EYS: variants seen among roughly 807,000 people sequenced by gnomAD.
The protein encoded by EYS is EGF-like photoreceptor maintenance factor.
A neutral mutation model predicts 282.1 loss-of-function variants in EYS; 250 were observed. The observed-to-expected ratio is 0.89, with a 90% CI of 0.80 to 0.98. EYS has a LOEUF of 0.98. Ranked by LOEUF, EYS falls within the 50% of genes least tolerant of loss-of-function variation. EYS has a pLI of 0.00. For missense variants in EYS, 4,016 were observed against 3,709.0 expected (o/e 1.08, Z -2.15); for synonymous variants, 1,355 against 1,282.9 (o/e 1.06, Z -1.20).
intron 2 of EYS, among the ~76,000 whole-genome samples, chr6:65,577,869 C>T (rs546436087): frequency 6.6e-6 from 1 of 151,522 alleles, no homozygotes; most frequent in South Asian, 2.1e-4. Flanking sequence ...AAATGTAAAT[C>T]AATCCACAAT....
intron 15 of EYS, among the ~76,000 whole-genome samples, chr6:64,939,793 G>C (rs1158782534): frequency 6.6e-6 from 1 of 151,884 alleles, no homozygotes; most frequent in Non-Finnish European, 1.5e-5. Context: ...TATAAAGCAG[G>C]TTTAGAGCTA....
At chr6:64,029,697 A>T (rs1769725010) in intron 33 of EYS, among the ~76,000 whole-genome samples, 1 of 152,236 alleles carries the variant, frequency 6.6e-6, no homozygotes, top group Non-Finnish European at 1.5e-5. Context: ...GGAGAATGGG[A>T]TACGAAGGGC....
chr6:64,932,075 A>G (rs1477527455), intron 15 of EYS, among the ~76,000 whole-genome samples: 3 of 152,112 alleles, frequency 2.0e-5, no homozygotes, highest in African/African-American at 7.2e-5. Flanking sequence ...GGCTTGAAAC[A>G]ATCTCCGTGT....
intron 12 of EYS, among the ~76,000 whole-genome samples, chr6:65,190,364 G>A (rs1765612375): frequency 6.8e-6 from 1 of 147,674 alleles, no homozygotes; most frequent in Admixed American, 6.8e-5. Context: ...TATTACCTAG[G>A]CTATGTTCAC....
intron 33 of EYS, among the ~76,000 whole-genome samples, chr6:64,003,753 C>A (rs1768207034): frequency 6.6e-6 from 1 of 152,124 alleles, no homozygotes; most frequent in African/African-American, 2.4e-5. Context: ...TGGGAGGAAC[C>A]CAGTAGGAGG....
Position 64,997,571 on chromosome 6 carries a change from T to C in EYS, c.2259+11A>G. On this transcript the variant is annotated intron_variant, in intron 14 of 42. Transcript: ENST00000503581. Reference sequence around the variant, plus strand: ...CACATTTAGGTATATAAAAAGCCAGTGGATACTAACGAGATGCAGGTCTTT... The same window carrying C: ...CACATTTAGGTATATAAAAAGCCAGCGGATACTAACGAGATGCAGGTCTTT... 1 of 1,550,288 alleles carries C rather than the reference T, an allele frequency of 6.5e-7. No individual in the cohort carries two copies. The highest frequency in any genetic ancestry group is 8.7e-7 in the Non-Finnish European group (1 of 1,145,932).
At chr6:65,411,963 C>G (rs1025956605) in intron 5 of EYS, among the ~76,000 whole-genome samples, 3 of 151,850 alleles carry the variant, frequency 2.0e-5, no homozygotes, top group Non-Finnish European at 2.9e-5. Flanking sequence ...TTTGTGTCCC[C>G]CACATATTAT....
intron 22 of EYS, among the ~76,000 whole-genome samples, chr6:64,664,119 T>C (rs1769146051): frequency 6.6e-6 from 1 of 152,180 alleles, no homozygotes; most frequent in African/African-American, 2.4e-5. Context: ...CAGCTCCAGC[T>C]GGAACAAACA....
intron 5 of EYS, among the ~76,000 whole-genome samples, chr6:65,471,407 CA>C (rs1205287740): frequency 1.3e-5 from 2 of 150,342 alleles, no homozygotes; most frequent in African/African-American, 4.9e-5. Flanking sequence ...AAAACAAAAA[CA>C]AAAAAAAGGA....
intron 26 of EYS, among the ~76,000 whole-genome samples, chr6:64,505,451 A>C (rs1412834846): frequency 6.6e-6 from 1 of 152,202 alleles, no homozygotes; most frequent in Non-Finnish European, 1.5e-5. Flanking sequence ...AGGCCTATTC[A>C]CATGGAAATG....
At position 65,317,817 on chromosome 6, in the gene EYS, CCTTCCTTCCTTTCTTTCTTTCTTT is replaced by C. The variant is rs1244161035; in HGVS notation, c.1766+17139_1766+17162del. 2.0e-4 allele frequency among the ~76,000 whole-genome samples: 10 copies of C among 50,518 alleles called. No homozygotes were observed. In the South Asian group the frequency reaches 5.8e-3, roughly 29 times the overall value. The allele number at this position is 50,518 out of a possible 152,430, so 33.1% of individuals were successfully genotyped here. ...TCCTTCCTTCCTTCCTTCCTTCCTT[CCTTCCTTCCTTTCTTTCTTTCTTT>C]CTTTCTTTCTTTCTTTCTTTCTTTC... On this transcript the variant is annotated intron_variant, in intron 11 of 42. Coordinates refer to ENST00000503581, the MANE Select transcript of EYS (RefSeq NM_001142800.2).
chr6:64,010,764 GA>G (rs1768581465), intron 33 of EYS, among the ~76,000 whole-genome samples: 1 of 152,080 alleles, frequency 6.6e-6, no homozygotes, highest in African/African-American at 2.4e-5. Flanking sequence ...ACTGAAACCG[GA>G]ATCTTCGCTA....
chr6:65,155,582 T>C (rs1764712707), intron 12 of EYS, among the ~76,000 whole-genome samples: 1 of 151,522 alleles, frequency 6.6e-6, no homozygotes, highest in African/African-American at 2.4e-5. Context: ...CTAGTCACTG[T>C]CTTGTGGGTT....
chr6:64,967,882 G>A (rs1770151388), intron 14 of EYS, among the ~76,000 whole-genome samples: 1 of 152,056 alleles, frequency 6.6e-6, no homozygotes, highest in Admixed American at 6.5e-5. Context: ...GTTGTATGGT[G>A]TTAATTTTTT....
At chr6:64,406,635 A>G (rs1773720362) in intron 28 of EYS, among the ~76,000 whole-genome samples, 1 of 152,234 alleles carries the variant, frequency 6.6e-6, no homozygotes. Flanking sequence ...AACTCCATCA[A>G]AAAGTGAGCG....
At chr6:65,081,510 A>G (rs945319906) in intron 12 of EYS, among the ~76,000 whole-genome samples, 1 of 152,084 alleles carries the variant, frequency 6.6e-6, no homozygotes, top group African/African-American at 2.4e-5. Context: ...AAACTTCTCA[A>G]TATTATTTAA....
At position 65,345,969 on chromosome 6, in the gene EYS, C is replaced by A. The variant is rs1342611; in HGVS notation, c.1460-1792G>T. 7.1e-3 allele frequency among the ~76,000 whole-genome samples: 1,079 copies of A among 151,916 alleles called. 45 individuals carry two copies. In the East Asian group the frequency reaches 0.094, roughly 13 times the overall value. The stretch of plus-strand genomic sequence containing the variant: ...GATACTAAGGTGGGCTCTGGAAACA[C>A]GATTAGCTGACACTGAGAGTCTCTC... On this transcript the variant is annotated intron_variant, in intron 9 of 42. Coordinates refer to ENST00000503581, the MANE Select transcript of EYS (RefSeq NM_001142800.2).
intron 36 of EYS, among the ~76,000 whole-genome samples, chr6:63,863,240 A>G (rs937275621): frequency 3.3e-5 from 5 of 152,186 alleles, no homozygotes. Context: ...ACCAATTTTT[A>G]TTATTTCTGA....
rs1380980801 is a variant in EYS, at chr6:64,590,972, G to A, written c.4895C>T (p.Ser1632Phe). 1 of 1,551,082 alleles carries A rather than the reference G, an allele frequency of 6.4e-7. No homozygotes were observed. The highest frequency in any genetic ancestry group is 8.7e-7 in the Non-Finnish European group (1 of 1,146,758). Residue 1632 changes from serine (S) to phenylalanine (F), a missense_variant, in exon 26 of 43, where the codon TCT becomes TTT. By Grantham distance (155) the Ser-to-Phe change is radical (BLOSUM62 -2). Coordinates refer to ENST00000503581, the MANE Select transcript of EYS (RefSeq NM_001142800.2). ...AATTGTTCTTTTTGCACTCTTTTTAGAAGGAAATAAAGATGGCACTTCTGT... is the reference window on the plus strand; with the variant it reads ...AATTGTTCTTTTTGCACTCTTTTTAAAAGGAAATAAAGATGGCACTTCTGT... ...AFTEVPSLFP[S>F]KKSAKRTILS...
Sources: gnomAD v4.1 joint callset for allele counts (sites outside exome capture counted in the v4.1 genomes callset) on GRCh38, gnomAD v4.1.1 for gene constraint, MANE v1.5 for transcripts, NCBI Gene and HGNC (gene_info 2026-07-23, HGNC 2026-07-21) for gene names.